CLDN14: variants seen among roughly 807,000 people sequenced by gnomAD.
CLDN14 encodes claudin 14.
CLDN14 carries 2 observed loss-of-function variants against 2.1 expected under a neutral mutation model. That is an observed-to-expected ratio of 0.96 (90% CI 0.39 to 3.01). The LOEUF is 3.01. Ranked by LOEUF, CLDN14 falls within the 30% of genes most tolerant of loss-of-function variation. CLDN14 has a pLI of 0.09. For missense variants in CLDN14, 298 were observed against 328.0 expected, an observed-to-expected ratio of 0.91 and a Z score of 0.71; for synonymous variants, 136 against 154.4, an observed-to-expected ratio of 0.88 and a Z score of 0.88.
At chr21:36,512,122 G>A (rs1281428754) in intron 1 of CLDN14, among the ~76,000 whole-genome samples, 1 of 152,184 alleles carries the variant, frequency 6.6e-6, no homozygotes, top group East Asian at 1.9e-4. Context: ...TTTGCAGGTA[G>A]CTGAGCGCTC....
intron 1 of CLDN14, among the ~76,000 whole-genome samples, chr21:36,553,351 G>A (rs2087576094): frequency 6.6e-6 from 1 of 152,146 alleles, no homozygotes; most frequent in Admixed American, 6.5e-5. Flanking sequence ...ACAGGAGGGG[G>A]CCAGCTGCTC....
chr21:36,491,760 T>C (rs1238365481), intron 2 of CLDN14, among the ~76,000 whole-genome samples: 3 of 152,100 alleles, frequency 2.0e-5, no homozygotes, highest in Non-Finnish European at 4.4e-5. Flanking sequence ...CTGAAGGTCA[T>C]GTGTGAGGCT....
intron 1 of CLDN14, among the ~76,000 whole-genome samples, chr21:36,462,992 GAGGA>G (rs2086598991): frequency 1.3e-5 from 2 of 151,302 alleles, no homozygotes; most frequent in Admixed American, 1.3e-4. Flanking sequence ...GAGGGAAGAA[GAGGA>G]GGGAGGGAGG....
chr21:36,559,511 T>C (rs1046029552), intron 1 of CLDN14, among the ~76,000 whole-genome samples: 1 of 152,182 alleles, frequency 6.6e-6, no homozygotes, highest in Non-Finnish European at 1.5e-5. Flanking sequence ...GTTTTTATCA[T>C]GAGGGTTACA....
chr21:36,515,267 C>T (rs1280888134), intron 1 of CLDN14, among the ~76,000 whole-genome samples: 2 of 152,156 alleles, frequency 1.3e-5, no homozygotes, highest in South Asian at 2.1e-4. Context: ...GTGCTCATAG[C>T]GGCATTATTC....
intron 1 of CLDN14, among the ~76,000 whole-genome samples, chr21:36,543,035 A>G (rs2087502477): frequency 6.6e-6 from 1 of 152,218 alleles, no homozygotes; most frequent in Non-Finnish European, 1.5e-5. Flanking sequence ...GGGGAGCACA[A>G]GGGTCTCCCT....
In CLDN14 at chr21:36,486,901, A is replaced by G. The variant is rs1453161370; in HGVS notation, c.-82+23462T>C. On this transcript the variant is annotated intron_variant, in intron 2 of 2. Coordinates refer to the CLDN14 transcript ENST00000342108. ...CTTGGACAGGATGCGGCCGGTGTCT[A>G]GAGTGAGTGTGGTCAGCACTTCACA... is the stretch of plus-strand genomic sequence containing the variant. The G allele has an allele frequency of 2.2e-5, 14 of 645,140 alleles. No homozygotes were observed. The Admixed American group carries it at 2.6e-4, about 12-fold the overall frequency. The allele number at this position is 645,140 out of a possible 1,614,324, so 40.0% of individuals were successfully genotyped here. A position where few individuals can be genotyped will look rare whatever the true frequency, so the allele number is the denominator to read the frequency against.
chr21:36,534,871 C>G (rs1291457700), intron 1 of CLDN14, among the ~76,000 whole-genome samples: 2 of 152,086 alleles, frequency 1.3e-5, no homozygotes, highest in Non-Finnish European at 2.9e-5. Flanking sequence ...CCCAGCCATA[C>G]CAAGAGGAAA....
In CLDN14 at chr21:36,498,975, C is replaced by G. The variant is rs1486427984; in HGVS notation, c.-82+11388G>C. The stretch of plus-strand genomic sequence containing the variant: ...CCACCCAGATGGGAGTGTCCTCTTG[C>G]ACTCCATCCATCTGGATGAAGCACC... On this transcript the variant is annotated intron_variant, in intron 2 of 2. Coordinates refer to the CLDN14 transcript ENST00000342108. This position sits in a 1 kb window ranked among gnomAD's most constrained non-coding sequence, Gnocchi z 4.9. 6.6e-6 allele frequency among the ~76,000 whole-genome samples: 1 copy of G among 152,198 alleles called. No individual in the cohort carries two copies. Among genetic ancestry groups the G allele is most frequent in the Admixed American group, 6.5e-5 (1 of 15,282 alleles).
intron 1 of CLDN14, among the ~76,000 whole-genome samples, chr21:36,569,888 A>G (rs1295449290): frequency 2.0e-5 from 3 of 152,254 alleles, no homozygotes; most frequent in Non-Finnish European, 4.4e-5. Context: ...TTAATCTGTG[A>G]ACGCAAAAGT....
At chr21:36,537,487 C>T (rs1006759234) in intron 1 of CLDN14, among the ~76,000 whole-genome samples, 32 of 151,896 alleles carry the variant, frequency 2.1e-4, no homozygotes, top group African/African-American at 5.3e-4. Context: ...TAGTAGATGA[C>T]GCTAGAGTTA....
At chr21:36,500,563 C>T (rs1416674672) in intron 2 of CLDN14, among the ~76,000 whole-genome samples, 1 of 152,158 alleles carries the variant, frequency 6.6e-6, no homozygotes, top group Non-Finnish European at 1.5e-5. Context: ...TCCCTAGTAG[C>T]TGGGATCACA....
Position 36,523,783 on chromosome 21 carries a change from GAAAGAAAGAAAGAAAGAA to G in CLDN14, c.-219-13301_-219-13284del, listed in dbSNP as rs1237708896. 1.1e-3 allele frequency among the ~76,000 whole-genome samples: 21 copies of G among 18,470 alleles called. 4 individuals carry two copies. In the East Asian group the frequency reaches 0.026, roughly 23 times the overall value. 12.1% of individuals were successfully genotyped at this position (18,470 alleles called of 152,430 possible). A position where few individuals can be genotyped will look rare whatever the true frequency, so the allele number is the denominator to read the frequency against. ...AAAAAGAAAGAAAGAGAGAAAGAGAGAAAGAAAGAAAGAAAGAAAGAAAGAAAGAAAGAAAGAAAGAAA... is the reference window on the plus strand; with the variant it reads ...AAAAAGAAAGAAAGAGAGAAAGAGAGAGAAAGAAAGAAAGAAAGAAAGAAA... On this transcript the variant is annotated intron_variant, in intron 1 of 2. Coordinates refer to the CLDN14 transcript ENST00000342108.
chr21:36,562,714 T>C (rs904697176), intron 1 of CLDN14, among the ~76,000 whole-genome samples: 1 of 148,174 alleles, frequency 6.7e-6, no homozygotes, highest in African/African-American at 2.5e-5. Flanking sequence ...TTTTTTTTCA[T>C]GAGCAAATTA....
chr21:36,550,530 C>T (rs1004893997), intron 1 of CLDN14, among the ~76,000 whole-genome samples: 23 of 152,198 alleles, frequency 1.5e-4, no homozygotes, highest in South Asian at 2.1e-4. Flanking sequence ...AAATCCTGCT[C>T]ATCGCCAGGG....
At position 36,467,538 on chromosome 21, in the gene CLDN14, C is replaced by T. The variant is rs1027374409; in HGVS notation, c.-81-5762G>A. The stretch of plus-strand genomic sequence containing the variant: ...GGGTGCGGGGGTGGGACGAGGCCAC[C>T]CTATCTCACCATTGGTCCAAGTGAC... On this transcript the variant is annotated intron_variant, in intron 1 of 1. Transcript: ENST00000399135. Among the ~76,000 whole-genome samples, 14 of 151,658 alleles carry T rather than the reference C, an allele frequency of 9.2e-5. 1 individual carries two copies. Among genetic ancestry groups the T allele is most frequent in the Admixed American group, 7.9e-4 (12 of 15,214 alleles).
At chr21:36,463,123 T>A (rs146410264) in intron 1 of CLDN14, among the ~76,000 whole-genome samples, 267 of 152,264 alleles carry the variant, frequency 1.8e-3, no homozygotes, top group Admixed American at 0.014. Context: ...CTCTCCTGCC[T>A]GGGGCAAGGT....
intron 2 of CLDN14, among the ~76,000 whole-genome samples, chr21:36,504,896 G>T (rs1697352175): frequency 6.6e-6 from 1 of 152,234 alleles, no homozygotes; most frequent in African/African-American, 2.4e-5. Context: ...AAAGCTGGGT[G>T]GAAAAGAAAA....
intron 1 of CLDN14, among the ~76,000 whole-genome samples, chr21:36,553,302 G>T (rs2087575793): frequency 6.6e-6 from 1 of 152,318 alleles, no homozygotes; most frequent in East Asian, 1.9e-4. Flanking sequence ...AAGGCGAGAG[G>T]AAGGGGAAGG....
Sources: allele counts gnomAD v4.1 joint callset (sites outside exome capture counted in the v4.1 genomes callset), GRCh38; gene constraint gnomAD v4.1.1; non-coding constraint Gnocchi (gnomAD v3.1); transcripts MANE v1.5; gene names NCBI Gene and HGNC (gene_info 2026-07-23, HGNC 2026-07-21).